The following SPIDR variants were observed in gnomAD, a reference collection of about 807,000 sequenced individuals.
SPIDR encodes DNA repair-scaffolding protein.
Under a neutral mutation model 104.6 loss-of-function variants are expected in SPIDR, and 93 were observed. The ratio of observed to expected loss-of-function variants is 0.89; its 90% CI spans 0.75 to 1.06. The LOEUF is 1.06. Among genes scored for constraint, SPIDR ranks in the 50% least tolerant of loss-of-function variants. SPIDR has a pLI of 0.00. For synonymous variants in SPIDR, 431 were observed against 416.9 expected (o/e 1.03, Z -0.41); for missense variants, 1,154 against 1,111.2 (o/e 1.04, Z -0.55).
intron 10 of SPIDR, among the ~76,000 whole-genome samples, chr8:47,630,379 G>C (rs897608197): frequency 6.6e-6 from 1 of 152,150 alleles, no homozygotes. Flanking sequence ...TCAAAATTCC[G>C]GTGCCAGCTC....
At chr8:47,390,730 T>G (rs1045538192) in intron 5 of SPIDR, among the ~76,000 whole-genome samples, 2 of 152,264 alleles carry the variant, frequency 1.3e-5, no homozygotes, top group Middle Eastern at 3.4e-3. Flanking sequence ...ATCTGTATCT[T>G]AAAATATTTC....
At chr8:47,390,659 A>G (rs2060478769) in intron 5 of SPIDR, among the ~76,000 whole-genome samples, 1 of 151,700 alleles carries the variant, frequency 6.6e-6, no homozygotes, top group African/African-American at 2.4e-5. Context: ...GGGTACATCT[A>G]CTTGTTATTT....
At chr8:47,285,867 G>C (rs943217381) in intron 3 of SPIDR, among the ~76,000 whole-genome samples, 5 of 152,156 alleles carry the variant, frequency 3.3e-5, no homozygotes, top group Non-Finnish European at 7.3e-5. Context: ...CCAGGTGCTA[G>C]GACAGTGCCT....
intron 8 of SPIDR, chr8:47,546,754 T>C (rs1369158669): frequency 5.8e-6 from 1 of 173,328 alleles, no homozygotes; most frequent in Non-Finnish European, 1.2e-5. Flanking sequence ...TTATGCCACA[T>C]TATTTTTAAT....
chr8:47,362,639 G>GT (rs2056285001), intron 5 of SPIDR, among the ~76,000 whole-genome samples: 1 of 152,006 alleles, frequency 6.6e-6, no homozygotes, highest in African/African-American at 2.4e-5. Context: ...CATATATGGT[G>GT]TTTTTTGTTG....
At position 47,550,325 on chromosome 8, in the gene SPIDR, G is replaced by A. The variant is rs376549813; in HGVS notation, c.1098-45486G>A. Among the ~76,000 whole-genome samples the A allele has an allele frequency of 3.9e-3, 589 of 152,208 alleles. 3 individuals carry two copies. The highest frequency in any genetic ancestry group is 0.023 in the South Asian group (109 of 4,822). On this transcript the variant is annotated intron_variant, in intron 8 of 19. Coordinates refer to ENST00000297423, the MANE Select transcript of SPIDR (RefSeq NM_001080394.4). ...AAGAAAGTCATTGGTAGCTTGATGC[G>A]GATGGCATTGAATCTATAAATTACC...
intron 8 of SPIDR, among the ~76,000 whole-genome samples, chr8:47,563,592 G>C (rs2057359841): frequency 6.6e-6 from 1 of 152,140 alleles, no homozygotes; most frequent in Admixed American, 6.5e-5. Context: ...CCTATCGACT[G>C]TCACATGCGA....
intron 8 of SPIDR, among the ~76,000 whole-genome samples, chr8:47,583,774 C>G (rs1473394922): frequency 6.6e-6 from 1 of 152,216 alleles, no homozygotes; most frequent in Non-Finnish European, 1.5e-5. Context: ...GTCCTTGTCC[C>G]TGGGCAGTGC....
Position 47,440,540 on chromosome 8 carries a change from C to A in SPIDR, c.1095C>A (p.Pro365=), listed in dbSNP as rs1554696218. The A allele has an allele frequency of 1.2e-6, 2 of 1,612,648 alleles. No individual in the cohort carries two copies. The highest frequency in any genetic ancestry group is 1.7e-6 in the Non-Finnish European group (2 of 1,179,028). ...RPQDTVRIFP[P]WQKLIIPSGS... is the part of the protein sequence containing the mutation. ...AGGACACTGTCCGGATCTTCCCTCC[C>A]TGGTGAGTGCGCAGAACTTAATCCA... Residue 365 remains proline (P), a splice_region_variant and synonymous_variant, in exon 8 of 20, where the codon CCC becomes CCA. Coordinates refer to ENST00000297423, the MANE Select transcript of SPIDR (RefSeq NM_001080394.4).
At chr8:47,424,246 T>G (rs1487886582) in intron 7 of SPIDR, among the ~76,000 whole-genome samples, 1 of 152,196 alleles carries the variant, frequency 6.6e-6, no homozygotes, top group Non-Finnish European at 1.5e-5. Context: ...AGTAACAGGG[T>G]GACAATTTTT....
chr8:47,422,345 G>A (rs1554681518), intron 7 of SPIDR, among the ~76,000 whole-genome samples: 2 of 152,166 alleles, frequency 1.3e-5, no homozygotes, highest in East Asian at 1.9e-4. Context: ...CCCCCTTGCA[G>A]TTTGATTTCA....
At chr8:47,471,528 G>A (rs890058528) in intron 8 of SPIDR, among the ~76,000 whole-genome samples, 8 of 152,122 alleles carry the variant, frequency 5.3e-5, no homozygotes, top group East Asian at 1.9e-4. Context: ...TGGCAAAGAT[G>A]CAAAGAAATT....
At position 47,293,983 on chromosome 8, in the gene SPIDR, AG is replaced by A; in HGVS notation, c.479del (p.Ser160IlefsTer5). 6.2e-7 allele frequency: 1 copy of A among 1,614,176 alleles called. No individual in the cohort carries two copies. Among genetic ancestry groups the A allele is most frequent in the Non-Finnish European group, 8.5e-7 (1 of 1,180,008 alleles). ...VEISDCASCASNQSLTSDEKL... is the reference protein window; with the variant it reads ...VEISDCASCAXNQSLTSDEKL... ...AATCTCAGACTGTGCTTCTTGTGCA[AG>A]TAATCAGTCTTTGACAAGTGATGAG... On this transcript the variant is annotated frameshift_variant, in exon 5 of 20. Coordinates refer to ENST00000297423, the MANE Select transcript of SPIDR (RefSeq NM_001080394.4). LOFTEE classifies it high-confidence loss of function.
At chr8:47,608,834 C>T (rs537830318) in intron 10 of SPIDR, among the ~76,000 whole-genome samples, 1 of 152,242 alleles carries the variant, frequency 6.6e-6, no homozygotes, top group Non-Finnish European at 1.5e-5. Context: ...GGCGATTCTT[C>T]TGCCTCAGCC....
Position 47,277,705 on chromosome 8 carries a change from G to A in SPIDR, c.34-2157G>A, listed in dbSNP as rs1021588402. ...TTTTTTTTTTTTGAGACAGAGTCTC[G>A]CCTTGTTGCCCAGGCTGGAGTGCAA... is the stretch of plus-strand genomic sequence containing the variant. On this transcript the variant is annotated intron_variant, in intron 1 of 19. Transcript: ENST00000297423. Among the ~76,000 whole-genome samples, 11 of 124,174 alleles carry A rather than the reference G, an allele frequency of 8.9e-5. 1 individual carries two copies. Among genetic ancestry groups the A allele is most frequent in the Non-Finnish European group, 1.3e-4 (8 of 62,756 alleles). 81.5% of individuals were successfully genotyped at this position (124,174 alleles called of 152,430 possible). A position where few individuals can be genotyped will look rare whatever the true frequency, so the allele number is the denominator to read the frequency against.
chr8:47,721,776 A>G (rs542172797), intron 16 of SPIDR, among the ~76,000 whole-genome samples: 3 of 152,164 alleles, frequency 2.0e-5, no homozygotes, highest in South Asian at 2.1e-4. Flanking sequence ...CGCCCGGCCA[A>G]TTACTGCGAC....
At chr8:47,431,579 G>A (rs959534825) in intron 7 of SPIDR, among the ~76,000 whole-genome samples, 2 of 152,208 alleles carry the variant, frequency 1.3e-5, no homozygotes, top group East Asian at 3.9e-4. Context: ...GACCCTGGAG[G>A]CGGAGGTGCT....
chr8:47,441,901 TTC>T (rs1345419414), intron 8 of SPIDR, among the ~76,000 whole-genome samples: 1 of 152,180 alleles, frequency 6.6e-6, no homozygotes, highest in East Asian at 1.9e-4. Flanking sequence ...TTATTGAACA[TTC>T]TGTTTTTTCT....
chr8:47,360,244 C>CAAAAAAA (rs1186187617), intron 5 of SPIDR, among the ~76,000 whole-genome samples: 103 of 38,820 alleles, frequency 2.7e-3, no homozygotes, highest in Non-Finnish European at 3.2e-3. Flanking sequence ...GACTCCATCT[C>CAAAAAAA]AAAAAAAAAA....
Sources: allele counts gnomAD v4.1 joint callset (sites outside exome capture counted in the v4.1 genomes callset), GRCh38; gene constraint gnomAD v4.1.1; transcripts MANE v1.5; gene names NCBI Gene and HGNC (gene_info 2026-07-23, HGNC 2026-07-21).